The following NCOA3 variants were observed in gnomAD, a reference collection of about 807,000 sequenced individuals.
NCOA3 encodes the protein CBP-interacting protein.
Under a neutral mutation model 158.8 loss-of-function variants are expected in NCOA3, and 51 were observed. The ratio of observed to expected loss-of-function variants is 0.32; its 90% CI spans 0.26 to 0.41. The LOEUF (loss-of-function observed/expected upper bound fraction) is 0.41, where lower values mean the gene tolerates loss of function less well. Among genes scored for constraint, NCOA3 ranks in the 10% least tolerant of loss-of-function variants. The pLI, the probability that NCOA3 is intolerant of heterozygous loss-of-function variation, is 1.00. For missense variants in NCOA3, 1,510 were observed against 1,746.6 expected (o/e 0.86, Z 2.41); for synonymous variants, 537 against 592.4 (o/e 0.91, Z 1.36).
intron 1 of NCOA3, among the ~76,000 whole-genome samples, chr20:47,514,859 A>G (rs2084206755): frequency 6.7e-6 from 1 of 148,750 alleles, no homozygotes; most frequent in Non-Finnish European, 1.5e-5. Context: ...TAATTTTTGT[A>G]TTTTTAGCAG....
At chr20:47,646,967 A>T in intron 17 of NCOA3, 106 bp from the exon 18 acceptor site, 1 of 980,516 alleles carries the variant, frequency 1.0e-6, no homozygotes, top group Non-Finnish European at 1.5e-6. Flanking sequence ...GCATTTACTT[A>T]AATACTTGTT....
chr20:47,525,902 C>A (rs1283292328), intron 1 of NCOA3, among the ~76,000 whole-genome samples: 1 of 146,132 alleles, frequency 6.8e-6, no homozygotes, highest in African/African-American at 2.5e-5. Flanking sequence ...GACCCCCCCA[C>A]CTCCCTCCCG....
Position 47,627,035 on chromosome 20 carries a change from G to A in NCOA3, c.391G>A (p.Asp131Asn), listed in dbSNP as rs201026071. The change falls in exon 6 of 23, where the codon GAC becomes AAC. Residue 131 changes from aspartate (D) to asparagine (N), a missense_variant. Physicochemically the swap from Asp to Asn is conservative, Grantham distance 23. Coordinates refer to ENST00000371998, the MANE Select transcript of NCOA3 (RefSeq NM_181659.3). Reference protein sequence around the residue: ...LDGFLFVVNRDGNIVFVSENV... With the variant: ...LDGFLFVVNRNGNIVFVSENV... ...TGGTTTCCTATTTGTGGTGAATCGA[G>A]ACGGAAACATTGTATTTGTATCAGA... The A allele has an allele frequency of 5.0e-6, 8 of 1,613,380 alleles. No individual in the cohort carries two copies. The highest frequency in any genetic ancestry group is 6.8e-6 in the Non-Finnish European group (8 of 1,179,662).
chr20:47,528,239 C>G (rs1004187029), intron 1 of NCOA3, among the ~76,000 whole-genome samples: 3 of 152,064 alleles, frequency 2.0e-5, no homozygotes, highest in African/African-American at 7.2e-5. Flanking sequence ...AAAGAAAAAC[C>G]TAGATTGTTA....
At chr20:47,566,948 C>A (rs2085204122) in intron 1 of NCOA3, among the ~76,000 whole-genome samples, 1 of 150,688 alleles carries the variant, frequency 6.6e-6, no homozygotes, top group African/African-American at 2.4e-5. Flanking sequence ...GCAAGACTGT[C>A]AAAAAAGAAA....
intron 2 of NCOA3, among the ~76,000 whole-genome samples, chr20:47,597,581 C>T (rs181235620): frequency 3.9e-4 from 59 of 151,462 alleles, no homozygotes; most frequent in African/African-American, 1.2e-3. Flanking sequence ...CTCTGCCTCC[C>T]GGGTTCATGC....
intron 17 of NCOA3, among the ~76,000 whole-genome samples, chr20:47,643,438 C>T (rs1602535111): frequency 6.6e-6 from 1 of 152,338 alleles, no homozygotes; most frequent in Middle Eastern, 3.4e-3. Context: ...AACCTTGGCA[C>T]TGAGGAGCCA....
At chr20:47,547,678 A>C (rs939676991) in intron 1 of NCOA3, among the ~76,000 whole-genome samples, 10 of 151,712 alleles carry the variant, frequency 6.6e-5, no homozygotes, top group Non-Finnish European at 1.2e-4. Context: ...TCGGCCTCCC[A>C]AAGTGCTGGG....
chr20:47,639,462 A>G (rs2086568818), intron 14 of NCOA3, 115 bp from the exon 15 acceptor site: 1 of 1,381,816 alleles, frequency 7.2e-7, no homozygotes, highest in Admixed American at 2.2e-5. Context: ...TTTTCTTACC[A>G]TGACAAAGTG....
At chr20:47,566,202 C>T (rs112691077) in intron 1 of NCOA3, among the ~76,000 whole-genome samples, 9,959 of 152,126 alleles carry the variant, frequency 0.065, 478 homozygotes, top group Middle Eastern at 0.17. Context: ...GGATTACAGG[C>T]GTGAGCCACT....
intron 2 of NCOA3, among the ~76,000 whole-genome samples, chr20:47,611,979 C>T (rs905602638): frequency 2.0e-5 from 3 of 152,100 alleles, no homozygotes; most frequent in Non-Finnish European, 4.4e-5. Context: ...TGTGCGTCAC[C>T]ACGCTTGGCT....
At chr20:47,569,119 C>T (rs749863241) in intron 1 of NCOA3, among the ~76,000 whole-genome samples, 7 of 151,990 alleles carry the variant, frequency 4.6e-5, no homozygotes, top group African/African-American at 9.7e-5. Context: ...AGTTCAAGAC[C>T]AGGATCACTT....
At chr20:47,587,983 T>A (rs560319163) in intron 2 of NCOA3, among the ~76,000 whole-genome samples, 1 of 152,236 alleles carries the variant, frequency 6.6e-6, no homozygotes, top group East Asian at 1.9e-4. Context: ...AGAATTGGTT[T>A]TTTCATTTCA....
intron 1 of NCOA3, among the ~76,000 whole-genome samples, chr20:47,530,129 A>G (rs1202905717): frequency 1.3e-5 from 2 of 152,218 alleles, no homozygotes; most frequent in South Asian, 2.1e-4. Context: ...AAGGTATTGT[A>G]TGTTTGTTTC....
At chr20:47,581,320 A>G (rs185978287) in intron 1 of NCOA3, among the ~76,000 whole-genome samples, 13 of 152,322 alleles carry the variant, frequency 8.5e-5, no homozygotes, top group Non-Finnish European at 1.6e-4. Context: ...CATAAGGGAT[A>G]GTCACCCGGC....
intron 21 of NCOA3, 66 bp from the exon 22 acceptor site, chr20:47,652,865 C>T (rs1183451901): frequency 6.5e-7 from 1 of 1,544,942 alleles, no homozygotes; most frequent in African/African-American, 1.4e-5. Flanking sequence ...GTAGTAATTT[C>T]TGTGGGCATG....
chr20:47,651,070 T>TGCAGCAGCAGCAGCAGCAGCA lies in NCOA3; in HGVS notation c.3741_3761dup (p.Gln1270_Gln1276dup). 1 of 1,605,394 alleles carries TGCAGCAGCAGCAGCAGCAGCA rather than the reference T, an allele frequency of 6.2e-7. No individual in the cohort carries two copies. The highest frequency in any genetic ancestry group is 8.5e-7 in the Non-Finnish European group (1 of 1,175,212). On this transcript the variant is annotated inframe_insertion, in exon 20 of 23. Transcript: ENST00000371998. ...CGACAACAGAGGGTGGCTATGATGA[T>TGCAGCAGCAGCAGCAGCAGCA]GCAGCAGCAGCAGCAGCAGCAACAG...
intron 2 of NCOA3, among the ~76,000 whole-genome samples, chr20:47,589,081 C>G (rs1409541660): frequency 6.6e-6 from 1 of 151,848 alleles, no homozygotes; most frequent in Non-Finnish European, 1.5e-5. Context: ...TTAGTAGAGA[C>G]AGGTTTTCAC....
intron 4 of NCOA3, 104 bp downstream of exon 4, chr20:47,624,187 G>A: frequency 3.2e-6 from 3 of 945,036 alleles, no homozygotes; most frequent in Non-Finnish European, 4.8e-6. Flanking sequence ...CCTGGTAGAG[G>A]GGATGGTTTC....
Sources: gnomAD v4.1 joint callset for allele counts (sites outside exome capture counted in the v4.1 genomes callset) on GRCh38, gnomAD v4.1.1 for gene constraint, MANE v1.5 for transcripts, NCBI Gene and HGNC (gene_info 2026-07-23, HGNC 2026-07-21) for gene names.